The following DCX variants were observed in gnomAD, a reference collection of about 807,000 sequenced individuals.
DCX encodes the protein doublecortin, also known as neuronal migration protein doublecortin.
A neutral mutation model predicts 20.9 loss-of-function variants in DCX; 4 were observed. That is an observed-to-expected ratio of 0.19 (90% CI 0.09 to 0.44). The LOEUF is 0.44. DCX is among the 20% of genes least tolerant of loss of function. The pLI, the probability that DCX is intolerant of heterozygous loss-of-function variation, is 0.99. For missense variants in DCX, 133 were observed against 296.9 expected, an observed-to-expected ratio of 0.45 and a Z score of 4.06; for synonymous variants, 103 against 111.4, an observed-to-expected ratio of 0.92 and a Z score of 0.47.
intron 1 of DCX, among the ~76,000 whole-genome samples, chrX:111,411,475 C>A (rs1352656474): frequency 9.1e-6 from 1 of 109,878 alleles, no homozygotes; most frequent in Non-Finnish European, 1.9e-5. Flanking sequence ...AAAAGATGGT[C>A]ATTTGTCAGG....
At position 111,349,006 on chromosome X, in the gene DCX, T is replaced by C. The variant is rs184209303; in HGVS notation, c.706-15853A>G. On this transcript the variant is annotated intron_variant, in intron 3 of 6. Coordinates refer to ENST00000636035, the MANE Select transcript of DCX (RefSeq NM_001195553.2). ...AAGGAGAAGGTGCTGATCTAGAGCC[T>C]TTTGAGATCTATATCTTTTTTGTGT... 1.8e-4 allele frequency among the ~76,000 whole-genome samples: 20 copies of C among 112,002 alleles called. No homozygotes were observed. In the East Asian group the frequency reaches 4.0e-3, roughly 22 times the overall value.
chrX:111,383,657 G>A (rs1926151643), intron 3 of DCX, among the ~76,000 whole-genome samples: 1 of 111,477 alleles, frequency 9.0e-6, no homozygotes, highest in Admixed American at 9.5e-5. Flanking sequence ...GGTTAGGCAA[G>A]GTCCCTTAAT....
At position 111,297,252 on chromosome X, in the gene DCX, C is replaced by T. The variant is rs2095023482; in HGVS notation, c.*4435G>A. 1 of 112,270 alleles carries T rather than the reference C, an allele frequency of 8.9e-6. No individual in the cohort carries two copies. Among genetic ancestry groups the T allele is most frequent in the East Asian group, 2.8e-4 (1 of 3,568 alleles). The allele number at this position is 112,270 out of a possible 1,213,427, so 9.3% of individuals were successfully genotyped here. A position where few individuals can be genotyped will look rare whatever the true frequency, so the allele number is the denominator to read the frequency against. ...CAAACCACTGTCCCAGTGTTTCTAT[C>T]TGGGGAAGTCTCTTGGCACAGACGT... On this transcript the variant is annotated 3_prime_UTR_variant, in exon 7 of 7. Coordinates refer to ENST00000636035, the MANE Select transcript of DCX (RefSeq NM_001195553.2).
intron 3 of DCX, among the ~76,000 whole-genome samples, chrX:111,389,734 C>G (rs1337036428): frequency 9.0e-6 from 1 of 111,109 alleles, no homozygotes; most frequent in Admixed American, 9.6e-5. Context: ...AATAAATAAC[C>G]CTACTTCTTG....
rs1376636567 is a variant in DCX at position 111,385,743 on chromosome X, A to AAGGG, written c.705+15243_705+15246dup. ...CAAGGAAGGAAGGAAGGAAGGAAGG[A>AAGGG]AGGGAGAAAGAGAGAGGGAGGGAGG... On this transcript the variant is annotated intron_variant, in intron 3 of 6. Coordinates refer to ENST00000636035, the MANE Select transcript of DCX (RefSeq NM_001195553.2). 6.3e-5 allele frequency among the ~76,000 whole-genome samples: 6 copies of AAGGG among 95,781 alleles called. No homozygotes were observed. In the East Asian group the frequency reaches 1.8e-3, roughly 29 times the overall value. The allele number at this position is 95,781 out of a possible 115,157, so 83.2% of individuals were successfully genotyped here.
chrX:111,345,022 C>T (rs1297787099), intron 3 of DCX, among the ~76,000 whole-genome samples: 2 of 111,903 alleles, frequency 1.8e-5, no homozygotes, highest in African/African-American at 3.2e-5. Flanking sequence ...CAAAACAGCA[C>T]GTTACTGGTA....
chrX:111,294,377 T>C lies in DCX; in HGVS notation c.*7310A>G, dbSNP rs1367158335. 2 of 110,998 alleles carry C rather than the reference T, an allele frequency of 1.8e-5. No homozygotes were observed. The highest frequency in any genetic ancestry group is 6.6e-5 in the African/African-American group (2 of 30,482). The allele number at this position is 110,998 out of a possible 1,213,427, so 9.1% of individuals were successfully genotyped here. On this transcript the variant is annotated 3_prime_UTR_variant, in exon 7 of 7. Transcript: ENST00000636035. Reference sequence around the variant, plus strand: ...AGCAGAGTCTTCTGAGGTCTCTATCTTAAAACAGCTGCAGGGATAAGGGAC... The same window carrying C: ...AGCAGAGTCTTCTGAGGTCTCTATCCTAAAACAGCTGCAGGGATAAGGGAC...
chrX:111,310,430 T>C (rs986928955), intron 6 of DCX, among the ~76,000 whole-genome samples: 2 of 111,606 alleles, frequency 1.8e-5, no homozygotes, highest in African/African-American at 6.5e-5. Flanking sequence ...ACATATATTA[T>C]ACATAGAGAG....
rs146383619 is a variant in DCX at position 111,325,450 on chromosome X, T to C, written c.946+5454A>G. Among the ~76,000 whole-genome samples, 28 of 111,571 alleles carry C rather than the reference T, an allele frequency of 2.5e-4. No individual in the cohort carries two copies. The East Asian group carries it at 7.9e-3, about 32-fold the overall frequency. ...CAAGATCCTAAACTTTGTATCTTAG[T>C]TCCCCAATGAAAAAAAAAGATAATT... On this transcript the variant is annotated intron_variant, in intron 5 of 6. Coordinates refer to ENST00000636035, the MANE Select transcript of DCX (RefSeq NM_001195553.2).
intron 3 of DCX, among the ~76,000 whole-genome samples, chrX:111,351,001 C>T (rs1389886519): frequency 3.6e-5 from 4 of 111,855 alleles, no homozygotes; most frequent in African/African-American, 1.3e-4. Context: ...ACCATGAGAA[C>T]AGTATGGAGG....
At chrX:111,383,576 C>T (rs998095112) in intron 3 of DCX, among the ~76,000 whole-genome samples, 4 of 111,790 alleles carry the variant, frequency 3.6e-5, no homozygotes, top group African/African-American at 1.3e-4. Flanking sequence ...AGAGCACCTT[C>T]ACAGGTATTT....
intron 2 of DCX, among the ~76,000 whole-genome samples, chrX:111,408,120 C>T (rs780747785): frequency 9.0e-5 from 10 of 111,352 alleles, no homozygotes; most frequent in Non-Finnish European, 1.9e-4. Flanking sequence ...AAAAGACAGA[C>T]ACCCTAACAA....
At chrX:111,369,765 G>A (rs1010321394) in intron 3 of DCX, among the ~76,000 whole-genome samples, 4 of 111,933 alleles carry the variant, frequency 3.6e-5, no homozygotes, top group African/African-American at 1.3e-4. Flanking sequence ...TCCAGGGGGT[G>A]AGGAGGAGGG....
rs1032513885 is a variant in DCX, at chrX:111,294,952, C to T, written c.*6735G>A. 6 of 112,202 alleles carry T rather than the reference C, an allele frequency of 5.3e-5. No individual in the cohort carries two copies. Among genetic ancestry groups the T allele is most frequent in the Non-Finnish European group, 1.1e-4 (6 of 53,181 alleles). The allele number at this position is 112,202 out of a possible 1,213,427, so 9.2% of individuals were successfully genotyped here. Reference sequence around the variant, plus strand: ...CTCCCTTTGAAAATGGCCATAAAAACATTTTCTGTACAAGTTTAATGGCAC... The same window carrying T: ...CTCCCTTTGAAAATGGCCATAAAAATATTTTCTGTACAAGTTTAATGGCAC... On this transcript the variant is annotated 3_prime_UTR_variant, in exon 7 of 7. Coordinates refer to ENST00000636035, the MANE Select transcript of DCX (RefSeq NM_001195553.2).
rs1250045675 is a variant in DCX at position 111,295,377 on chromosome X, G to A, written c.*6310C>T. 3 of 111,948 alleles carry A rather than the reference G, an allele frequency of 2.7e-5. No homozygotes were observed. The highest frequency in any genetic ancestry group is 5.6e-5 in the Non-Finnish European group (3 of 53,207). The allele number at this position is 111,948 out of a possible 1,213,427, so 9.2% of individuals were successfully genotyped here. On this transcript the variant is annotated 3_prime_UTR_variant, in exon 7 of 7. Transcript: ENST00000636035. Reference sequence around the variant, plus strand: ...GGTGACTCAGAAGGAAAAAATACATGTCAATTAAGCAAATGTCTCTTTTTA... The same window carrying A: ...GGTGACTCAGAAGGAAAAAATACATATCAATTAAGCAAATGTCTCTTTTTA...
chrX:111,352,445 T>G (rs1196899706), intron 3 of DCX, among the ~76,000 whole-genome samples: 1 of 112,298 alleles, frequency 8.9e-6, no homozygotes, highest in Admixed American at 9.4e-5. Context: ...CCCAGGGTGT[T>G]GCTGCTGTTA....
chrX:111,383,935 C>T (rs34843608), intron 3 of DCX, among the ~76,000 whole-genome samples: 1,765 of 110,908 alleles, frequency 0.016, 16 homozygotes, highest in Non-Finnish European at 0.025. Flanking sequence ...CTTACAGCTC[C>T]GATATTCTGA....
In DCX at chrX:111,366,084, C is replaced by T. The variant is rs911866946; in HGVS notation, c.706-32931G>A. ...AACCATTGGTTGAATACATAATTAG[C>T]GTAATGTCATTATATAAATCCTTAT... On this transcript the variant is annotated intron_variant, in intron 3 of 6. Coordinates refer to ENST00000636035, the MANE Select transcript of DCX (RefSeq NM_001195553.2). Among the ~76,000 whole-genome samples, 8 of 112,230 alleles carry T rather than the reference C, an allele frequency of 7.1e-5. 1 individual carries two copies. Among genetic ancestry groups the T allele is most frequent in the Admixed American group, 3.8e-4 (4 of 10,570 alleles).
intron 5 of DCX, among the ~76,000 whole-genome samples, chrX:111,329,183 C>A (rs2095106568): frequency 8.9e-6 from 1 of 112,044 alleles, no homozygotes. Flanking sequence ...AAACCTAGGT[C>A]TTTGTAGTTT....
Sources: allele counts gnomAD v4.1 joint callset (sites outside exome capture counted in the v4.1 genomes callset), GRCh38; gene constraint gnomAD v4.1.1; transcripts MANE v1.5; gene names NCBI Gene and HGNC (gene_info 2026-07-23, HGNC 2026-07-21).